DNAH9: variants seen among roughly 807,000 people sequenced by gnomAD.
The protein encoded by DNAH9 is dynein axonemal heavy chain 9, also known as DNAH9 variant protein.
A neutral mutation model predicts 471.6 loss-of-function variants in DNAH9; 345 were observed. That is an observed-to-expected ratio of 0.73 (90% confidence interval 0.67 to 0.80). The LOEUF (loss-of-function observed/expected upper bound fraction) is 0.80, where lower values mean the gene tolerates loss of function less well. DNAH9 is among the 30% of genes least tolerant of loss of function. The pLI is 0.00. For synonymous variants in DNAH9, 2,093 were observed against 2,123.6 expected (o/e 0.99, Z 0.40); for missense variants, 5,407 against 5,609.2 (o/e 0.96, Z 1.15).
At chr17:11,669,308 C>T (rs746356257) in intron 16 of DNAH9, 48 bp downstream of exon 16, 58 of 1,594,624 alleles carry the variant, frequency 3.6e-5, no homozygotes, top group South Asian at 4.6e-5. Flanking sequence ...CCCGTCCAGC[C>T]GAATCTCGAA....
chr17:11,917,913 C>T (rs969502788), intron 61 of DNAH9, among the ~76,000 whole-genome samples: 11 of 152,160 alleles, frequency 7.2e-5, no homozygotes, highest in Non-Finnish European at 7.3e-5. Flanking sequence ...CACTTGTCTG[C>T]AGCATCATCT....
chr17:11,764,619 G>C (rs1412742305), intron 36 of DNAH9, among the ~76,000 whole-genome samples: 1 of 152,012 alleles, frequency 6.6e-6, no homozygotes, highest in Non-Finnish European at 1.5e-5. Flanking sequence ...TATCATGTCA[G>C]ATTTGTTCTT....
intron 45 of DNAH9, among the ~76,000 whole-genome samples, chr17:11,814,982 G>A (rs1317046252): frequency 1.3e-5 from 2 of 151,782 alleles, no homozygotes; most frequent in African/African-American, 4.8e-5. Flanking sequence ...AATAAAGTTG[G>A]GGCAAAAAAG....
intron 33 of DNAH9, among the ~76,000 whole-genome samples, chr17:11,755,116 A>C (rs970877229): frequency 6.6e-6 from 1 of 152,168 alleles, no homozygotes; most frequent in African/African-American, 2.4e-5. Context: ...AGCTTTGTTG[A>C]AGATCAGATG....
intron 58 of DNAH9, among the ~76,000 whole-genome samples, chr17:11,894,054 A>G (rs1425272149): frequency 2.6e-5 from 4 of 152,106 alleles, no homozygotes; most frequent in Admixed American, 2.6e-4. Context: ...TGTCATTTGT[A>G]TGTGTCATCT....
rs374555272 is a variant in DNAH9 at position 11,969,447 on chromosome 17, G to A, written c.13381G>A (p.Val4461Met). The A allele has an allele frequency of 4.5e-5, 72 of 1,613,794 alleles. No individual in the cohort carries two copies. Among genetic ancestry groups the A allele is most frequent in the African/African-American group, 2.1e-4 (16 of 74,856 alleles). Residue 4461 changes from valine to methionine, a missense_variant, in exon 69 of 69, where the codon GTG becomes ATG. Val to Met is a conservative substitution (Grantham distance 21). This residue lies in a region of DNAH9 where 4,636 missense variants were observed against 4,900.3 expected (regional missense o/e 0.95). Coordinates refer to ENST00000262442, the MANE Select transcript of DNAH9 (RefSeq NM_001372.4). ...GACTAGTCAGCGGGGACCCACCTACGTGTGGACTTTCAACCTGAAGACTAA... is the reference window on the plus strand; with the variant it reads ...GACTAGTCAGCGGGGACCCACCTACATGTGGACTTTCAACCTGAAGACTAA... ...YKTSQRGPTY[V>M]WTFNLKTKEN...
chr17:11,647,091 G>A lies in DNAH9; in HGVS notation c.1990G>A (p.Glu664Lys). 6.2e-7 allele frequency: 1 copy of A among 1,613,966 alleles called. No homozygotes were observed. Among genetic ancestry groups the A allele is most frequent in the African/African-American group, 1.3e-5 (1 of 75,004 alleles). The change falls in exon 12 of 69, where the codon GAG becomes AAG. Residue 664 changes from glutamate (E) to lysine (K), a missense_variant. By Grantham distance (56) the Glu-to-Lys change is moderately conservative. Transcript: ENST00000262442. Reference sequence around the variant, plus strand: ...TTGCAGGTATGAGACAAGACTTTATGAGGATTGGTGCCGGACAGTATCAGA... The same window carrying A: ...TTGCAGGTATGAGACAAGACTTTATAAGGATTGGTGCCGGACAGTATCAGA... ...LLEKYETRLY[E>K]DWCRTVSEKS...
At position 11,807,591 on chromosome 17, in the gene DNAH9, G is replaced by C. The variant is rs76093284; in HGVS notation, c.8421-141G>C. 1.5e-3 allele frequency: 1,404 copies of C among 913,180 alleles called. 1 individual carries two copies. Among genetic ancestry groups the C allele is most frequent in the Non-Finnish European group, 1.9e-3 (1,198 of 614,622 alleles). 56.6% of individuals were successfully genotyped at this position (913,180 alleles called of 1,614,324 possible). A position where few individuals can be genotyped will look rare whatever the true frequency, so the allele number is the denominator to read the frequency against. ...GCAAGAAGGTGAGGCCAGGTTTAGG[G>C]ACAATCTAATAAACGTTTCCCACAG... is the stretch of plus-strand genomic sequence containing the variant. On this transcript the variant is annotated intron_variant, in intron 43 of 68. Coordinates refer to ENST00000262442, the MANE Select transcript of DNAH9 (RefSeq NM_001372.4).
intron 14 of DNAH9, among the ~76,000 whole-genome samples, chr17:11,657,924 C>T (rs971795604): frequency 6.6e-6 from 1 of 151,982 alleles, no homozygotes; most frequent in African/African-American, 2.4e-5. Flanking sequence ...AATTGATTAT[C>T]AGTAAGTCTG....
intron 27 of DNAH9, among the ~76,000 whole-genome samples, chr17:11,727,030 A>G (rs1031005751): frequency 7.1e-6 from 1 of 141,230 alleles, no homozygotes; most frequent in Admixed American, 7.2e-5. Context: ...CCTGGGCAAC[A>G]GAGTGAGACT....
In DNAH9 at chr17:11,669,671, C is replaced by A. The variant is rs1283545649; in HGVS notation, c.3230C>A (p.Pro1077His). 6.2e-7 allele frequency: 1 copy of A among 1,614,032 alleles called. No individual in the cohort carries two copies. The highest frequency in any genetic ancestry group is 1.3e-5 in the African/African-American group (1 of 74,898). ...TATGAAGAGGTGTGCAGGCTGGAAC[C>A]CATCAAGGTGTTTGACGGCTGGATG... ...TLYEEVCRLEPIKVFDGWMKI... is the reference protein window; with the variant it reads ...TLYEEVCRLEHIKVFDGWMKI... The change falls in exon 17 of 69, where the codon CCC becomes CAC. Residue 1077 changes from proline to histidine, a missense_variant. Physicochemically the swap from Pro to His is moderately conservative, Grantham distance 77 (BLOSUM62 -2). Coordinates refer to ENST00000262442, the MANE Select transcript of DNAH9 (RefSeq NM_001372.4).
intron 35 of DNAH9, among the ~76,000 whole-genome samples, chr17:11,760,797 C>T (rs971422181): frequency 6.6e-6 from 1 of 152,176 alleles, no homozygotes; most frequent in Non-Finnish European, 1.5e-5. Flanking sequence ...GGATTACAGG[C>T]GTGAGCCGCC....
rs1003628502 is a variant in DNAH9, at chr17:11,644,767, G to A, written c.1970+68G>A. 72 of 1,125,928 alleles carry A rather than the reference G, an allele frequency of 6.4e-5. 1 individual carries two copies. The Admixed American group carries it at 1.2e-3, about 19-fold the overall frequency. 69.7% of individuals were successfully genotyped at this position (1,125,928 alleles called of 1,614,324 possible). On this transcript the variant is annotated intron_variant, in intron 11 of 68. Transcript: ENST00000262442. ...CCTCCATGCTGCCTTTTGCAGCTCCGAGTTTGTGCAGATTCCTCAGTGGCT... is the reference window on the plus strand; with the variant it reads ...CCTCCATGCTGCCTTTTGCAGCTCCAAGTTTGTGCAGATTCCTCAGTGGCT...
At position 11,606,452 on chromosome 17, in the gene DNAH9, TC is replaced by T. The variant is rs202245597; in HGVS notation, c.418-1676del. On this transcript the variant is annotated intron_variant, in intron 1 of 68. Transcript: ENST00000262442. ...TTCTTTCTTTTCTTTTCTTTTCTTTTCTTTTTTTTTTTTTTGAGACAGAGTC... is the reference window on the plus strand; with the variant it reads ...TTCTTTCTTTTCTTTTCTTTTCTTTTTTTTTTTTTTTTTTGAGACAGAGTC... Among the ~76,000 whole-genome samples, 19 of 109,490 alleles carry T rather than the reference TC, an allele frequency of 1.7e-4. 1 individual carries two copies. The highest frequency in any genetic ancestry group is 6.9e-4 in the South Asian group (2 of 2,914). 71.8% of individuals were successfully genotyped at this position (109,490 alleles called of 152,430 possible).
intron 58 of DNAH9, among the ~76,000 whole-genome samples, chr17:11,893,544 A>C (rs1239175846): frequency 1.3e-5 from 2 of 152,218 alleles, no homozygotes; most frequent in Admixed American, 1.3e-4. Flanking sequence ...CATAAAAAAG[A>C]ACAAGTTCAT....
At chr17:11,668,857 A>G (rs1409067059) in intron 15 of DNAH9, among the ~76,000 whole-genome samples, 1 of 152,030 alleles carries the variant, frequency 6.6e-6, no homozygotes, top group Admixed American at 6.6e-5. Context: ...GCCTATTCAA[A>G]TGTCAGTGGT....
At chr17:11,802,393 C>T (rs1969495964) in intron 43 of DNAH9, among the ~76,000 whole-genome samples, 1 of 152,042 alleles carries the variant, frequency 6.6e-6, no homozygotes, top group African/African-American at 2.4e-5. Flanking sequence ...TTTGGGAGAC[C>T]AAGGCGGGAT....
intron 49 of DNAH9, among the ~76,000 whole-genome samples, chr17:11,852,471 C>T (rs2150968742): frequency 6.6e-6 from 1 of 152,148 alleles, no homozygotes; most frequent in South Asian, 2.1e-4. Context: ...GGCGGATCCC[C>T]TTGTGGCTCT....
intron 22 of DNAH9, 48 bp downstream of exon 22, chr17:11,694,495 G>A (rs1387592862): frequency 1.2e-6 from 2 of 1,608,474 alleles, no homozygotes; most frequent in South Asian, 1.1e-5. Flanking sequence ...GCTGAGGGGT[G>A]CCCAGCAGGA....
Sources: allele counts gnomAD v4.1 joint callset (sites outside exome capture counted in the v4.1 genomes callset), GRCh38; gene constraint gnomAD v4.1.1; regional missense constraint gnomAD v4.1.1; transcripts MANE v1.5; gene names NCBI Gene and HGNC (gene_info 2026-07-23, HGNC 2026-07-21).